Variants in RUFY2 observed in about 807,000 individuals in gnomAD.
The protein encoded by RUFY2 is RUN and FYVE domain containing 2.
Under a neutral mutation model 94.4 loss-of-function variants are expected in RUFY2, and 49 were observed. The ratio of observed to expected loss-of-function variants is 0.52; its 90% CI spans 0.41 to 0.66. The LOEUF (loss-of-function observed/expected upper bound fraction) is 0.66, where lower values mean the gene tolerates loss of function less well. Ranked by LOEUF, RUFY2 falls within the 30% of genes least tolerant of loss-of-function variation. The probability of loss-of-function intolerance (pLI) is 0.00; values close to 1 mark genes in which losing one functional copy is unlikely to be tolerated. For missense variants in RUFY2, 541 were observed against 692.8 expected, an observed-to-expected ratio of 0.78 and a Z score of 2.46; for synonymous variants, 255 against 235.7, an observed-to-expected ratio of 1.08 and a Z score of -0.75.
chr10:68,386,539 G>A (rs576876509), intron 7 of RUFY2, among the ~76,000 whole-genome samples: 66 of 151,978 alleles, frequency 4.3e-4, no homozygotes, highest in Non-Finnish European at 8.8e-4. Flanking sequence ...TAGTAGAGAC[G>A]GGGTTACACC....
At chr10:68,374,552 A>T (rs1407072009) in intron 13 of RUFY2, among the ~76,000 whole-genome samples, 4 of 152,214 alleles carry the variant, frequency 2.6e-5, no homozygotes, top group African/African-American at 9.6e-5. Flanking sequence ...AAATATATTT[A>T]CCAATCCACA....
At position 68,402,122 on chromosome 10, in the gene RUFY2, C is replaced by CT. The variant is rs879793660; in HGVS notation, c.179-386dup. Among the ~76,000 whole-genome samples, 94 of 143,772 alleles carry CT rather than the reference C, an allele frequency of 6.5e-4. 2 individuals are homozygous for CT. Among genetic ancestry groups the CT allele is most frequent in the East Asian group, 1.2e-3 (6 of 5,010 alleles). 94.3% of individuals were successfully genotyped at this position (143,772 alleles called of 152,430 possible). A position where few individuals can be genotyped will look rare whatever the true frequency, so the allele number is the denominator to read the frequency against. On this transcript the variant is annotated intron_variant, in intron 2 of 17. Transcript: ENST00000602465. Reference sequence around the variant, plus strand: ...AAAGTTATTTTATTTTTTATAATGCCTTTTTTTTTTTTAGTAAGTAGAGAT... The same window carrying CT: ...AAAGTTATTTTATTTTTTATAATGCCTTTTTTTTTTTTTAGTAAGTAGAGAT...
chr10:68,388,280 T>C (rs561800782), intron 7 of RUFY2, among the ~76,000 whole-genome samples: 1 of 152,040 alleles, frequency 6.6e-6, no homozygotes, highest in South Asian at 2.1e-4. Flanking sequence ...CTGACCAACA[T>C]GGTGAAACCC....
intron 16 of RUFY2, among the ~76,000 whole-genome samples, chr10:68,351,597 G>T (rs1045730756): frequency 6.6e-6 from 1 of 151,178 alleles, no homozygotes; most frequent in African/African-American, 2.4e-5. Context: ...CTACAGGTGC[G>T]TGCCACCACA....
chr10:68,372,844 G>A (rs1265525645), intron 13 of RUFY2, among the ~76,000 whole-genome samples: 1 of 151,862 alleles, frequency 6.6e-6, no homozygotes, highest in African/African-American at 2.4e-5. Flanking sequence ...GGAAATCAAG[G>A]CTGCAGTGAG....
intron 13 of RUFY2, among the ~76,000 whole-genome samples, chr10:68,375,986 G>A (rs1439412581): frequency 6.6e-6 from 1 of 151,858 alleles, no homozygotes; most frequent in Non-Finnish European, 1.5e-5. Flanking sequence ...TGTAGTCCCA[G>A]CTACTCGGGA....
chr10:68,381,621 G>C (rs781088298), intron 10 of RUFY2, among the ~76,000 whole-genome samples: 4 of 152,286 alleles, frequency 2.6e-5, no homozygotes, highest in Admixed American at 1.3e-4. Context: ...AAGGTGGGTG[G>C]ATCACTTGAG....
At position 68,384,214 on chromosome 10, in the gene RUFY2, T is replaced by C. The variant is rs569373097; in HGVS notation, c.721-62A>G. ...AACACCCTTATACTTGCTTTGCAGGTTATGTGCATGGCCATAAACATCAGA... is the reference window on the plus strand; with the variant it reads ...AACACCCTTATACTTGCTTTGCAGGCTATGTGCATGGCCATAAACATCAGA... On this transcript the variant is annotated intron_variant, in intron 8 of 17. Transcript: ENST00000602465. 410 of 1,522,366 alleles carry C rather than the reference T, an allele frequency of 2.7e-4. 7 individuals carry two copies. In the South Asian group the frequency reaches 4.8e-3, roughly 18 times the overall value. The allele number at this position is 1,522,366 out of a possible 1,614,324, so 94.3% of individuals were successfully genotyped here. A position where few individuals can be genotyped will look rare whatever the true frequency, so the allele number is the denominator to read the frequency against.
At chr10:68,348,201 T>A (rs1035623318) in intron 16 of RUFY2, among the ~76,000 whole-genome samples, 10 of 149,752 alleles carry the variant, frequency 6.7e-5, no homozygotes, top group South Asian at 2.1e-4. Context: ...TTTTTTTTTT[T>A]AATGCAGGAC....
intron 13 of RUFY2, among the ~76,000 whole-genome samples, chr10:68,374,360 G>A (rs1172832456): frequency 6.6e-6 from 1 of 151,908 alleles, no homozygotes; most frequent in Non-Finnish European, 1.5e-5. Flanking sequence ...ACGGAAAGCA[G>A]GAGTCACTAT....
In RUFY2 at chr10:68,346,062, TTG is replaced by T; in HGVS notation, c.1620_1621del (p.Asp540GlufsTer7). On this transcript the variant is annotated frameshift_variant, in exon 17 of 18. Transcript: ENST00000602465. LOFTEE classifies it high-confidence loss of function. The stretch of plus-strand genomic sequence containing the variant: ...ACAAAGTTTACAATGTGTTGCTTCT[TTG>T]TCTTTCAGCCAAACCAGTCCCTAGT... 1.2e-6 allele frequency: 2 copies of T among 1,613,730 alleles called. No homozygotes were observed. The highest frequency in any genetic ancestry group is 1.7e-6 in the Non-Finnish European group (2 of 1,179,824).
intron 8 of RUFY2, 30 bp from the exon 9 acceptor site, chr10:68,384,182 G>T: frequency 6.3e-7 from 1 of 1,589,494 alleles, no homozygotes; most frequent in Non-Finnish European, 8.5e-7. Flanking sequence ...CAAGAAAAAA[G>T]ATTTTAAACA....
At position 68,377,178 on chromosome 10, in the gene RUFY2, G is replaced by A. The variant is rs150258905; in HGVS notation, c.1206-206C>T. 9.4e-4 allele frequency: 1,321 copies of A among 1,410,402 alleles called. 5 individuals carry two copies. Among genetic ancestry groups the A allele is most frequent in the South Asian group, 5.4e-3 (360 of 66,098 alleles). 87.4% of individuals were successfully genotyped at this position (1,410,402 alleles called of 1,614,324 possible). ...TGATTTTTTTTTTTCAATATAACATGTAGTATGCCCAGAATACTATCTTCA... is the reference window on the plus strand; with the variant it reads ...TGATTTTTTTTTTTCAATATAACATATAGTATGCCCAGAATACTATCTTCA... On this transcript the variant is annotated intron_variant, in intron 12 of 17. Transcript: ENST00000602465.
At chr10:68,352,528 G>A (rs544306784) in intron 16 of RUFY2, among the ~76,000 whole-genome samples, 2 of 152,274 alleles carry the variant, frequency 1.3e-5, no homozygotes, top group East Asian at 3.9e-4. Context: ...ACGTAACCAA[G>A]TACCTGATAT....
intron 16 of RUFY2, among the ~76,000 whole-genome samples, chr10:68,349,555 T>C (rs1465808210): frequency 6.6e-6 from 1 of 151,984 alleles, no homozygotes; most frequent in Non-Finnish European, 1.5e-5. Flanking sequence ...AATTTTTTTT[T>C]TGAGACAGAG....
chr10:68,360,985 T>G (rs116223111), intron 15 of RUFY2, among the ~76,000 whole-genome samples: 10 of 151,664 alleles, frequency 6.6e-5, no homozygotes, highest in Non-Finnish European at 1.5e-4. Flanking sequence ...AAGTCTCTAT[T>G]AAGTATGAAG....
intron 5 of RUFY2, 52 bp downstream of exon 5, chr10:68,394,276 A>T: frequency 6.2e-7 from 1 of 1,611,608 alleles, no homozygotes. Flanking sequence ...ATCAAGGAGG[A>T]ACTGTGCAAA....
chr10:68,406,916 C>T (rs1371258220), intron 1 of RUFY2: 3 of 1,568,772 alleles, frequency 1.9e-6, no homozygotes, highest in Middle Eastern at 1.7e-4. Context: ...CTGGCCCTGT[C>T]CTCGCTCCTG....
In RUFY2 at chr10:68,405,331, A is replaced by G. The variant is rs1379172050; in HGVS notation, c.5-487T>C. On this transcript the variant is annotated intron_variant, in intron 1 of 17. Coordinates refer to ENST00000602465, the MANE Select transcript of RUFY2 (RefSeq NM_001330103.2). ...CGTCTCACAAAAAAAAAAAAAAGAA[A>G]AAGAAAGAAAGAAAGAAAAAAGAAA... 3.7e-5 allele frequency: 12 copies of G among 322,774 alleles called. No individual in the cohort carries two copies. In the South Asian group the frequency reaches 4.9e-4, roughly 13 times the overall value. 20.0% of individuals were successfully genotyped at this position (322,774 alleles called of 1,614,324 possible). A position where few individuals can be genotyped will look rare whatever the true frequency, so the allele number is the denominator to read the frequency against.
Sources: allele counts gnomAD v4.1 joint callset (sites outside exome capture counted in the v4.1 genomes callset), GRCh38; gene constraint gnomAD v4.1.1; transcripts MANE v1.5; gene names NCBI Gene and HGNC (gene_info 2026-07-23, HGNC 2026-07-21).